The following MYO3B variants were observed in gnomAD, a reference collection of about 807,000 sequenced individuals.
The protein encoded by MYO3B is myosin IIIB, also known as myosin-IIIb.
A neutral mutation model predicts 174.6 loss-of-function variants in MYO3B; 156 were observed. The ratio of observed to expected loss-of-function variants is 0.89; its 90% confidence interval spans 0.78 to 1.02. MYO3B has a LOEUF of 1.02. MYO3B is among the 50% of genes least tolerant of loss of function. The probability of loss-of-function intolerance (pLI) is 0.00; values close to 1 mark genes in which losing one functional copy is unlikely to be tolerated. For missense variants in MYO3B, 1,632 were observed against 1,639.4 expected (o/e 1.00, Z 0.08); for synonymous variants, 563 against 569.1 (o/e 0.99, Z 0.15).
intron 32 of MYO3B, among the ~76,000 whole-genome samples, chr2:170,562,930 C>A (rs1230699612): frequency 6.6e-6 from 1 of 151,992 alleles, no homozygotes; most frequent in Non-Finnish European, 1.5e-5. Flanking sequence ...TGGTGTGGGC[C>A]TATGGCCTTT....
intron 7 of MYO3B, among the ~76,000 whole-genome samples, chr2:170,294,439 T>G (rs1457598736): frequency 6.6e-6 from 1 of 151,946 alleles, no homozygotes; most frequent in Non-Finnish European, 1.5e-5. Context: ...CTCAAAAATA[T>G]AAGTTTCAAA....
chr2:170,606,446 A>G (rs1222655301), intron 32 of MYO3B, among the ~76,000 whole-genome samples: 1 of 152,214 alleles, frequency 6.6e-6, no homozygotes, highest in Non-Finnish European at 1.5e-5. Context: ...CAGAGAGGCC[A>G]TCATCCACCA....
At chr2:170,457,091 C>A (rs922118366) in intron 23 of MYO3B, among the ~76,000 whole-genome samples, 22 of 152,280 alleles carry the variant, frequency 1.4e-4, no homozygotes, top group African/African-American at 5.3e-4. Context: ...AAATGGCACA[C>A]CTGCATAGTG....
At chr2:170,582,546 G>T (rs898036123) in intron 32 of MYO3B, among the ~76,000 whole-genome samples, 2 of 152,114 alleles carry the variant, frequency 1.3e-5, no homozygotes, top group African/African-American at 4.8e-5. Flanking sequence ...GCTCAGCAAG[G>T]CCTTGTTCTC....
intron 27 of MYO3B, 31 bp downstream of exon 27, chr2:170,499,839 C>T: frequency 8.7e-6 from 14 of 1,607,454 alleles, no homozygotes; most frequent in South Asian, 2.2e-5. Context: ...AAATACTGCC[C>T]TGGGTATTGG....
chr2:170,626,909 A>G (rs369144778), intron 32 of MYO3B, among the ~76,000 whole-genome samples: 1 of 152,200 alleles, frequency 6.6e-6, no homozygotes, highest in South Asian at 2.1e-4. Flanking sequence ...GTTTCTGCTG[A>G]GAGATCCACT....
intron 1 of MYO3B, among the ~76,000 whole-genome samples, chr2:170,188,754 CACTTTA>C (rs936934114): frequency 1.3e-5 from 2 of 152,094 alleles, no homozygotes; most frequent in Non-Finnish European, 2.9e-5. Flanking sequence ...GAGAACTCTA[CACTTTA>C]ACTTCATCTC....
chr2:170,202,511 C>T (rs1337108629), intron 3 of MYO3B, among the ~76,000 whole-genome samples: 1 of 152,094 alleles, frequency 6.6e-6, no homozygotes, highest in Non-Finnish European at 1.5e-5. Context: ...GGACAGAGGC[C>T]CACAGAAGTG....
chr2:170,370,823 C>T (rs2094236864), intron 9 of MYO3B, among the ~76,000 whole-genome samples: 1 of 152,140 alleles, frequency 6.6e-6, no homozygotes, highest in Non-Finnish European at 1.5e-5. Context: ...ATTTCTAAGA[C>T]TTCATTTGCC....
At chr2:170,325,645 G>T (rs1470232867) in intron 7 of MYO3B, among the ~76,000 whole-genome samples, 1 of 152,118 alleles carries the variant, frequency 6.6e-6, no homozygotes, top group Non-Finnish European at 1.5e-5. Context: ...GGAGGAACTG[G>T]TCGTGCATGG....
rs745854539 is a variant in MYO3B, at chr2:170,466,564, G to T, written c.2867G>T (p.Cys956Phe). ...GTTGGACAGCCCCACTTTGTGCGCTGCATTAAACCCAATGATGACCGAGAG... is the reference window on the plus strand; with the variant it reads ...GTTGGACAGCCCCACTTTGTGCGCTTCATTAAACCCAATGATGACCGAGAG... Reference protein sequence around the residue: ...MVVGQPHFVRCIKPNDDREAL... With the variant: ...MVVGQPHFVRFIKPNDDREAL... The change falls in exon 25 of 35, where the codon TGC (cysteine) becomes TTC (phenylalanine). Residue 956 changes from cysteine to phenylalanine, a missense_variant. Transcript: ENST00000408978. The T allele has an allele frequency of 1.2e-6, 2 of 1,614,170 alleles. No individual in the cohort carries two copies. The highest frequency in any genetic ancestry group is 1.3e-5 in the African/African-American group (1 of 75,048).
At chr2:170,632,644 G>A (rs1697106318) in intron 32 of MYO3B, among the ~76,000 whole-genome samples, 1 of 151,870 alleles carries the variant, frequency 6.6e-6, no homozygotes, top group African/African-American at 2.4e-5. Context: ...GAGGAGAACT[G>A]AAAGAGATAG....
intron 28 of MYO3B, among the ~76,000 whole-genome samples, chr2:170,505,019 A>G (rs1349231578): frequency 6.6e-6 from 1 of 152,164 alleles, no homozygotes; most frequent in East Asian, 1.9e-4. Flanking sequence ...TTTCAAATAC[A>G]TGAGCTGGTG....
rs940826211 is a variant in MYO3B, at chr2:170,353,337, C to T, written c.816-15885C>T. ...TCTATATACTGTAGGATTCCAATTACGTGACATTCTGGAAAAGGCAAAACC... is the reference window on the plus strand; with the variant it reads ...TCTATATACTGTAGGATTCCAATTATGTGACATTCTGGAAAAGGCAAAACC... On this transcript the variant is annotated intron_variant, in intron 8 of 34. Coordinates refer to ENST00000408978, the MANE Select transcript of MYO3B (RefSeq NM_138995.5). Among the ~76,000 whole-genome samples the T allele has an allele frequency of 5.3e-5, 8 of 152,168 alleles. No individual in the cohort carries two copies. The East Asian group carries it at 9.7e-4, about 18-fold the overall frequency.
intron 23 of MYO3B, among the ~76,000 whole-genome samples, chr2:170,455,366 G>A (rs1683849825): frequency 6.6e-6 from 1 of 152,140 alleles, no homozygotes; most frequent in Non-Finnish European, 1.5e-5. Flanking sequence ...TGTAATAATT[G>A]TCTCAGTTAT....
intron 32 of MYO3B, among the ~76,000 whole-genome samples, chr2:170,631,046 C>A (rs1023001499): frequency 2.6e-5 from 4 of 152,278 alleles, no homozygotes; most frequent in East Asian, 3.9e-4. Flanking sequence ...CAAAGCTGGA[C>A]GGAGAATGAC....
At chr2:170,622,165 G>C (rs570516444) in intron 32 of MYO3B, among the ~76,000 whole-genome samples, 1 of 152,268 alleles carries the variant, frequency 6.6e-6, no homozygotes, top group African/African-American at 2.4e-5. Flanking sequence ...TTTCATGTAA[G>C]AAAGCCTGAA....
chr2:170,211,036 T>C (rs567721786), intron 3 of MYO3B, among the ~76,000 whole-genome samples: 1 of 152,300 alleles, frequency 6.6e-6, no homozygotes, highest in East Asian at 1.9e-4. Flanking sequence ...TAAGGCCTAA[T>C]AAACAGGCAT....
chr2:170,450,524 A>T (rs1022613887), intron 23 of MYO3B, among the ~76,000 whole-genome samples: 1 of 151,962 alleles, frequency 6.6e-6, no homozygotes, highest in Non-Finnish European at 1.5e-5. Flanking sequence ...TCCTATGAAG[A>T]CAGCATGAGG....
Sources: allele counts gnomAD v4.1 joint callset (sites outside exome capture counted in the v4.1 genomes callset), GRCh38; gene constraint gnomAD v4.1.1; transcripts MANE v1.5; gene names NCBI Gene and HGNC (gene_info 2026-07-23, HGNC 2026-07-21).